The following GPC5 variants were observed in gnomAD, a reference collection of about 807,000 sequenced individuals.
GPC5 encodes the protein glypican 5.
In GPC5, 47 loss-of-function variants were observed where a neutral mutation model predicts 53.9. The ratio of observed to expected loss-of-function variants is 0.87; its 90% CI spans 0.69 to 1.11. The LOEUF (loss-of-function observed/expected upper bound fraction) is 1.11. Among genes scored for constraint, GPC5 ranks in the 50% most tolerant of loss-of-function variants. The pLI is 0.00. For synonymous variants in GPC5, 286 were observed against 263.3 expected (o/e 1.09, Z -0.84); for missense variants, 748 against 713.1 (o/e 1.05, Z -0.56).
intron 7 of GPC5, among the ~76,000 whole-genome samples, chr13:92,748,649 A>T (rs1394163634): frequency 6.6e-6 from 1 of 152,050 alleles, no homozygotes; most frequent in African/African-American, 2.4e-5. Context: ...AATTTTTCTG[A>T]AGCCTGAGAA....
At chr13:91,679,009 A>G (rs1439306318) in intron 2 of GPC5, among the ~76,000 whole-genome samples, 1 of 152,138 alleles carries the variant, frequency 6.6e-6, no homozygotes, top group Non-Finnish European at 1.5e-5. Context: ...ATTTTAATAA[A>G]TAAATGAAAA....
chr13:92,722,114 T>C (rs990858851), intron 7 of GPC5, among the ~76,000 whole-genome samples: 5 of 151,990 alleles, frequency 3.3e-5, no homozygotes, highest in African/African-American at 1.2e-4. Flanking sequence ...CAATGCATTC[T>C]TCCAGGAAAT....
At chr13:91,687,066 A>C (rs2035638691) in intron 2 of GPC5, among the ~76,000 whole-genome samples, 1 of 152,056 alleles carries the variant, frequency 6.6e-6, no homozygotes, top group South Asian at 2.1e-4. Context: ...AAACATTCAT[A>C]TATCAAAAAT....
intron 7 of GPC5, among the ~76,000 whole-genome samples, chr13:92,534,287 T>G (rs1239288132): frequency 6.6e-6 from 1 of 152,154 alleles, no homozygotes; most frequent in Non-Finnish European, 1.5e-5. Flanking sequence ...CTCCAATAAA[T>G]AGATGACAGA....
At chr13:92,694,628 A>G (rs962793663) in intron 7 of GPC5, among the ~76,000 whole-genome samples, 2 of 152,206 alleles carry the variant, frequency 1.3e-5, no homozygotes, top group Admixed American at 6.5e-5. Flanking sequence ...CTGTACCCAC[A>G]TTGCATCCTA....
At chr13:91,967,251 G>T (rs982528635) in intron 6 of GPC5, among the ~76,000 whole-genome samples, 1 of 152,128 alleles carries the variant, frequency 6.6e-6, no homozygotes, top group Non-Finnish European at 1.5e-5. Context: ...ACTGCCCCAT[G>T]ATTCAATTAT....
intron 6 of GPC5, among the ~76,000 whole-genome samples, chr13:92,022,291 G>A (rs1356383356): frequency 6.6e-6 from 1 of 152,140 alleles, no homozygotes; most frequent in Non-Finnish European, 1.5e-5. Context: ...GTGAGCCACC[G>A]TGCCTGGCCC....
intron 6 of GPC5, among the ~76,000 whole-genome samples, chr13:92,044,159 T>C (rs1268097302): frequency 6.6e-6 from 1 of 152,256 alleles, no homozygotes; most frequent in Non-Finnish European, 1.5e-5. Flanking sequence ...CCAGAAAATC[T>C]ATACTTTGTC....
At chr13:92,158,203 C>G (rs1031363862) in intron 7 of GPC5, among the ~76,000 whole-genome samples, 1 of 152,172 alleles carries the variant, frequency 6.6e-6, no homozygotes, top group Non-Finnish European at 1.5e-5. Flanking sequence ...AATGTTTGCA[C>G]TCTTCCTGGA....
intron 2 of GPC5, among the ~76,000 whole-genome samples, chr13:91,663,815 T>C (rs958915250): frequency 1.3e-5 from 2 of 152,172 alleles, no homozygotes; most frequent in Non-Finnish European, 2.9e-5. Context: ...TGCCAAGTTA[T>C]AGCTGCTTCA....
At chr13:91,901,790 G>A (rs1196414579) in intron 5 of GPC5, among the ~76,000 whole-genome samples, 1 of 151,936 alleles carries the variant, frequency 6.6e-6, no homozygotes, top group Admixed American at 6.6e-5. Flanking sequence ...TAAAACCAGT[G>A]TTTAATCTCC....
chr13:91,756,447 A>G lies in GPC5; in HGVS notation c.1280+27A>G, dbSNP rs767150002. 5.2e-6 allele frequency: 8 copies of G among 1,538,720 alleles called. No individual in the cohort carries two copies. The South Asian group carries it at 7.3e-5, about 14-fold the overall frequency. Reference sequence around the variant, plus strand: ...TATTTTATGTGGTCTGTGAAAACCTACTAGTTACATCATCCTTGCTTTCTT... The same window carrying G: ...TATTTTATGTGGTCTGTGAAAACCTGCTAGTTACATCATCCTTGCTTTCTT... On this transcript the variant is annotated intron_variant, in intron 5 of 7. Transcript: ENST00000377067.
At chr13:92,092,439 G>A (rs554013028) in intron 6 of GPC5, among the ~76,000 whole-genome samples, 2 of 152,126 alleles carry the variant, frequency 1.3e-5, no homozygotes, top group Non-Finnish European at 2.9e-5. Flanking sequence ...TGTAGAAGTT[G>A]AGCAGCTACC....
chr13:92,385,321 CATATATACATATATACAT>C (rs1566567113), intron 7 of GPC5, among the ~76,000 whole-genome samples: 2 of 128,596 alleles, frequency 1.6e-5, no homozygotes, highest in Non-Finnish European at 3.1e-5. Flanking sequence ...TATATATATA[CATATATACATATATACAT>C]ATATATACAT....
At chr13:92,702,478 C>G (rs1289194253) in intron 7 of GPC5, among the ~76,000 whole-genome samples, 1 of 152,042 alleles carries the variant, frequency 6.6e-6, no homozygotes, top group African/African-American at 2.4e-5. Context: ...TCTTGATATT[C>G]TGGCCAAAAA....
chr13:92,654,195 T>G (rs933362522), intron 7 of GPC5, among the ~76,000 whole-genome samples: 12 of 152,236 alleles, frequency 7.9e-5, no homozygotes, highest in African/African-American at 2.9e-4. Context: ...ATGAATACCC[T>G]TAAAATGTTT....
chr13:92,272,101 A>T (rs1355844887), intron 7 of GPC5, among the ~76,000 whole-genome samples: 1 of 152,188 alleles, frequency 6.6e-6, no homozygotes, highest in Admixed American at 6.5e-5. Context: ...GGGCACCTGC[A>T]TCTCTAAACT....
At chr13:92,578,603 A>G (rs1159805192) in intron 7 of GPC5, among the ~76,000 whole-genome samples, 1 of 152,058 alleles carries the variant, frequency 6.6e-6, no homozygotes, top group African/African-American at 2.4e-5. Flanking sequence ...GAAGCTCCCA[A>G]CTCCAGAAGA....
intron 7 of GPC5, among the ~76,000 whole-genome samples, chr13:92,176,246 A>C (rs2139029128): frequency 6.6e-6 from 1 of 151,750 alleles, no homozygotes; most frequent in Middle Eastern, 3.4e-3. Context: ...TTATCCAGAG[A>C]CTACACCTTA....
Sources: allele counts gnomAD v4.1 joint callset (sites outside exome capture counted in the v4.1 genomes callset), GRCh38; gene constraint gnomAD v4.1.1; transcripts MANE v1.5; gene names NCBI Gene and HGNC (gene_info 2026-07-23, HGNC 2026-07-21).